Variants in TUSC3 observed in about 807,000 individuals in gnomAD.
TUSC3 encodes the protein dolichyl-diphosphooligosaccharide--protein glycosyltransferase subunit TUSC3.
Under a neutral mutation model 44.8 loss-of-function variants are expected in TUSC3, and 45 were observed. That is an observed-to-expected ratio of 1.00 (90% CI 0.79 to 1.29). The LOEUF is 1.29. Ranked by LOEUF, TUSC3 falls within the 50% of genes most tolerant of loss-of-function variation. The pLI is 0.00. For synonymous variants in TUSC3, 212 were observed against 152.9 expected (o/e 1.39, Z -2.85); for missense variants, 519 against 437.9 (o/e 1.19, Z -1.65).
the TUSC3 span, among the ~76,000 whole-genome samples, chr8:15,817,647 C>T: frequency 6.6e-6 from 1 of 152,172 alleles, no homozygotes; most frequent in African/African-American, 2.4e-5. Context: ...TGAAGAAGGA[C>T]ATGTTTGCTT....
At chr8:15,629,704 T>C (rs1335450466) in intron 2 of TUSC3, among the ~76,000 whole-genome samples, 1 of 150,828 alleles carries the variant, frequency 6.6e-6, no homozygotes, top group Non-Finnish European at 1.5e-5. Flanking sequence ...CGTAGTACTT[T>C]CCTTTGTGAG....
At chr8:15,424,665 G>A (rs189849646) in intron 1 of TUSC3, among the ~76,000 whole-genome samples, 1 of 152,118 alleles carries the variant, frequency 6.6e-6, no homozygotes, top group Non-Finnish European at 1.5e-5. Flanking sequence ...TGGATCACGA[G>A]GTCAGGAGAT....
intron 2 of TUSC3, among the ~76,000 whole-genome samples, chr8:15,496,014 C>T (rs181802469): frequency 1.0e-3 from 159 of 152,284 alleles, no homozygotes; most frequent in African/African-American, 3.6e-3. Flanking sequence ...CAAGTGGCCT[C>T]TACTGTTCCA....
intron 7 of TUSC3, among the ~76,000 whole-genome samples, chr8:15,739,920 G>GTTT (rs1450066565): frequency 6.6e-6 from 1 of 151,998 alleles, no homozygotes; most frequent in African/African-American, 2.4e-5. Context: ...CAGTTTCCTT[G>GTTT]TTTGTAAACA....
At chr8:15,758,889 GT>G (rs1390843678) in intron 10 of TUSC3, among the ~76,000 whole-genome samples, 1 of 151,988 alleles carries the variant, frequency 6.6e-6, no homozygotes, top group African/African-American at 2.4e-5. Flanking sequence ...TCCCAGAGAT[GT>G]TTTCCTACTC....
the TUSC3 span, among the ~76,000 whole-genome samples, chr8:15,784,683 A>T: frequency 1.3e-5 from 2 of 152,124 alleles, no homozygotes; most frequent in Admixed American, 6.5e-5. Context: ...ATACTGCATG[A>T]TTTCACTTAC....
intron 1 of TUSC3, among the ~76,000 whole-genome samples, chr8:15,589,113 G>A (rs751882776): frequency 6.6e-5 from 10 of 152,098 alleles, no homozygotes; most frequent in South Asian, 2.1e-4. Context: ...CTGTTTGTCA[G>A]ATACAAATAT....
intron 1 of TUSC3, among the ~76,000 whole-genome samples, chr8:15,443,327 C>T (rs1800045087): frequency 7.1e-6 from 1 of 141,444 alleles, no homozygotes; most frequent in Admixed American, 7.3e-5. Flanking sequence ...CAACACCACA[C>T]CCACCTAATT....
the TUSC3 span, among the ~76,000 whole-genome samples, chr8:15,772,210 C>T: frequency 3.3e-5 from 5 of 151,854 alleles, no homozygotes; most frequent in Non-Finnish European, 7.4e-5. Context: ...CAGAGCAGAG[C>T]TAAACAAAAT....
At chr8:15,750,097 A>G (rs113215795) in intron 9 of TUSC3, among the ~76,000 whole-genome samples, 1,653 of 150,430 alleles carry the variant, frequency 0.011, 28 homozygotes, top group African/African-American at 0.039. Flanking sequence ...CTCCTGCCTC[A>G]GCCTCCCGAG....
At chr8:15,437,339 G>A (rs984777043) in intron 1 of TUSC3, among the ~76,000 whole-genome samples, 22 of 152,080 alleles carry the variant, frequency 1.4e-4, no homozygotes, top group African/African-American at 5.1e-4. Flanking sequence ...ACATATCTCT[G>A]TTTACTACAT....
intron 9 of TUSC3, among the ~76,000 whole-genome samples, chr8:15,752,618 T>G (rs1045292339): frequency 6.6e-6 from 1 of 152,120 alleles, no homozygotes; most frequent in Non-Finnish European, 1.5e-5. Flanking sequence ...ATTCATTTTA[T>G]AGATGAGACC....
intron 6 of TUSC3, among the ~76,000 whole-genome samples, chr8:15,723,528 A>C (rs553255722): frequency 6.8e-4 from 103 of 152,154 alleles, no homozygotes; most frequent in Admixed American, 1.5e-3. Flanking sequence ...ACCTCTTTAT[A>C]TCTCTTCTTT....
At chr8:15,672,576 A>T (rs1159704094) in intron 5 of TUSC3, among the ~76,000 whole-genome samples, 1 of 152,004 alleles carries the variant, frequency 6.6e-6, no homozygotes, top group African/African-American at 2.4e-5. Context: ...AAGTATTATG[A>T]TAAAATTCTA....
intron 1 of TUSC3, among the ~76,000 whole-genome samples, chr8:15,574,359 A>T (rs1051749370): frequency 6.6e-6 from 1 of 152,160 alleles, no homozygotes; most frequent in African/African-American, 2.4e-5. Context: ...TGTACAGATT[A>T]TGGAGTTGTC....
chr8:15,756,671 A>G (rs1257452567), intron 9 of TUSC3, among the ~76,000 whole-genome samples: 1 of 152,100 alleles, frequency 6.6e-6, no homozygotes, highest in African/African-American at 2.4e-5. Context: ...TTCCTTGTCT[A>G]CTTCCATTAA....
At chr8:15,655,428 A>AG (rs530175435) in intron 3 of TUSC3, among the ~76,000 whole-genome samples, 154 of 152,194 alleles carry the variant, frequency 1.0e-3, no homozygotes, top group Non-Finnish European at 2.1e-3. Flanking sequence ...AGTGCTGGCA[A>AG]GCCACTGTGC....
intron 1 of TUSC3, among the ~76,000 whole-genome samples, chr8:15,615,106 T>C (rs1222310732): frequency 6.6e-6 from 1 of 152,150 alleles, no homozygotes; most frequent in Non-Finnish European, 1.5e-5. Context: ...ATCTCAATGA[T>C]GGTTATTTAT....
chr8:15,735,604 G>T (rs1810893676), intron 7 of TUSC3, among the ~76,000 whole-genome samples: 1 of 152,218 alleles, frequency 6.6e-6, no homozygotes, highest in Non-Finnish European at 1.5e-5. Context: ...GAATAGGCCA[G>T]TAATGTTCTC....
Sources: gnomAD v4.1 joint callset for allele counts (sites outside exome capture counted in the v4.1 genomes callset) on GRCh38, gnomAD v4.1.1 for gene constraint, MANE v1.5 for transcripts, NCBI Gene and HGNC (gene_info 2026-07-23, HGNC 2026-07-21) for gene names.